TMEM178B: variants seen among roughly 807,000 people sequenced by gnomAD.
TMEM178B encodes transmembrane protein 178B.
Under a neutral mutation model 31.0 loss-of-function variants are expected in TMEM178B, and 5 were observed. The observed-to-expected ratio is 0.16, with a 90% CI of 0.08 to 0.34. TMEM178B has a LOEUF of 0.34. Among genes scored for constraint, TMEM178B ranks in the 10% least tolerant of loss-of-function variants. TMEM178B has a pLI of 1.00. For synonymous variants in TMEM178B, 164 were observed against 164.0 expected (o/e 1.00, Z 0.00); for missense variants, 275 against 400.3 (o/e 0.69, Z 2.67).
At chr7:141,490,953 C>T in the TMEM178B span, among the ~76,000 whole-genome samples, 9 of 152,220 alleles carry the variant, frequency 5.9e-5, no homozygotes, top group Admixed American at 5.9e-4. Context: ...GAGGTTCACA[C>T]AGCTGGTATG....
At chr7:141,377,927 A>G (rs987772467) in intron 2 of TMEM178B, among the ~76,000 whole-genome samples, 2 of 152,190 alleles carry the variant, frequency 1.3e-5, no homozygotes, top group Non-Finnish European at 2.9e-5. Context: ...TTGTCAAACT[A>G]AGAAATTACC....
intron 2 of TMEM178B, among the ~76,000 whole-genome samples, chr7:141,389,665 C>T (rs539955617): frequency 3.3e-5 from 5 of 152,340 alleles, no homozygotes; most frequent in African/African-American, 9.6e-5. Context: ...AATAGAATGA[C>T]AGCCCCCTTT....
At chr7:141,189,868 G>A (rs2129184847) in intron 1 of TMEM178B, among the ~76,000 whole-genome samples, 1 of 152,304 alleles carries the variant, frequency 6.6e-6, no homozygotes, top group East Asian at 1.9e-4. Flanking sequence ...TGGGCCCTGT[G>A]TAGCTGTGCG....
chr7:141,120,272 C>G (rs1275182016), intron 1 of TMEM178B, among the ~76,000 whole-genome samples: 1 of 152,182 alleles, frequency 6.6e-6, no homozygotes, highest in Non-Finnish European at 1.5e-5. Flanking sequence ...TGCAATTTAT[C>G]AGGTTGTTGT....
chr7:141,453,256 T>C (rs1801901628), intron 3 of TMEM178B, among the ~76,000 whole-genome samples: 1 of 152,266 alleles, frequency 6.6e-6, no homozygotes, highest in Non-Finnish European at 1.5e-5. Context: ...CCCTGCCTTG[T>C]GGGTGACTCC....
At chr7:141,125,086 TA>T (rs1319061689) in intron 1 of TMEM178B, among the ~76,000 whole-genome samples, 2 of 151,854 alleles carry the variant, frequency 1.3e-5, no homozygotes, top group Non-Finnish European at 2.9e-5. Flanking sequence ...GTCCAAGGAA[TA>T]AAAAAAATGC....
In TMEM178B at chr7:141,479,213, C is replaced by T. The variant is rs1348770384; in HGVS notation, c.*8427C>T. ...AGGGGCAGGCAGGCCTTCTCTCTGT[C>T]AAGAACAAAGATCTCTACAACATTT... On this transcript the variant is annotated 3_prime_UTR_variant, in exon 4 of 4. Transcript: ENST00000565468. 3 of 152,254 alleles carry T rather than the reference C, an allele frequency of 2.0e-5. No individual in the cohort carries two copies. The highest frequency in any genetic ancestry group is 4.4e-5 in the Non-Finnish European group (3 of 68,064). 9.4% of individuals were successfully genotyped at this position (152,254 alleles called of 1,614,324 possible).
At chr7:141,281,977 A>G (rs1475746656) in intron 2 of TMEM178B, among the ~76,000 whole-genome samples, 2 of 152,162 alleles carry the variant, frequency 1.3e-5, no homozygotes, top group Non-Finnish European at 2.9e-5. Flanking sequence ...TTGAATGACC[A>G]TTTTGCTGGT....
chr7:141,217,558 C>G (rs1164096105), intron 2 of TMEM178B, among the ~76,000 whole-genome samples: 2 of 152,100 alleles, frequency 1.3e-5, no homozygotes, highest in Non-Finnish European at 2.9e-5. Flanking sequence ...GGGCAGACAC[C>G]CATTGGAAGG....
At chr7:141,140,129 C>A (rs1219428961) in intron 1 of TMEM178B, among the ~76,000 whole-genome samples, 3 of 152,104 alleles carry the variant, frequency 2.0e-5, no homozygotes, top group Non-Finnish European at 2.9e-5. Flanking sequence ...GCTTGCATAC[C>A]CCCTCAGCCT....
At chr7:141,216,783 A>G (rs1009305799) in intron 2 of TMEM178B, among the ~76,000 whole-genome samples, 1 of 152,112 alleles carries the variant, frequency 6.6e-6, no homozygotes, top group African/African-American at 2.4e-5. Flanking sequence ...CTACCCACCC[A>G]CTATCTGGCT....
In TMEM178B at chr7:141,246,029, C is replaced by T. The variant is rs140669981; in HGVS notation, c.496+33325C>T. ...TTTTTTTCCTGAATTCCAACCAAAC[C>T]TGTAAATTTTTAAGATTTCTACAAA... On this transcript the variant is annotated intron_variant, in intron 2 of 3. Transcript: ENST00000565468. Among the ~76,000 whole-genome samples, 178 of 152,072 alleles carry T rather than the reference C, an allele frequency of 1.2e-3. 1 individual carries two copies. Among genetic ancestry groups the T allele is most frequent in the African/African-American group, 4.1e-3 (172 of 41,514 alleles).
chr7:141,220,576 T>C (rs1168793169), intron 2 of TMEM178B, among the ~76,000 whole-genome samples: 1 of 151,986 alleles, frequency 6.6e-6, no homozygotes, highest in Admixed American at 6.5e-5. Flanking sequence ...GTACAGCCTT[T>C]TCTGTTAAAA....
intron 1 of TMEM178B, among the ~76,000 whole-genome samples, chr7:141,080,124 A>C (rs1313302319): frequency 2.0e-5 from 3 of 152,270 alleles, no homozygotes; most frequent in Admixed American, 6.5e-5. Context: ...TTTGAAGCTC[A>C]CTGACCAAAG....
intron 2 of TMEM178B, among the ~76,000 whole-genome samples, chr7:141,409,048 A>G (rs955185385): frequency 6.6e-6 from 1 of 152,248 alleles, no homozygotes; most frequent in Non-Finnish European, 1.5e-5. Flanking sequence ...CTTGACTTGC[A>G]TATCAGAAGA....
At chr7:141,423,345 T>G (rs1042596491) in intron 2 of TMEM178B, among the ~76,000 whole-genome samples, 10 of 152,206 alleles carry the variant, frequency 6.6e-5, no homozygotes, top group African/African-American at 2.4e-4. Flanking sequence ...GTACTTTATT[T>G]AATCCAATAT....
At chr7:141,352,522 G>A (rs182219799) in intron 2 of TMEM178B, among the ~76,000 whole-genome samples, 3 of 152,170 alleles carry the variant, frequency 2.0e-5, no homozygotes, top group Admixed American at 1.3e-4. Flanking sequence ...GGGATTACAA[G>A]CACGCGCCAC....
chr7:141,409,309 T>G (rs970759178), intron 2 of TMEM178B, among the ~76,000 whole-genome samples: 9 of 152,218 alleles, frequency 5.9e-5, no homozygotes, highest in African/African-American at 1.9e-4. Flanking sequence ...TTTGGGACTC[T>G]TGCTAACTGC....
chr7:141,470,913 C>T lies in TMEM178B; in HGVS notation c.*127C>T, dbSNP rs939722990. 11 of 484,798 alleles carry T rather than the reference C, an allele frequency of 2.3e-5. No individual in the cohort carries two copies. The highest frequency in any genetic ancestry group is 3.1e-5 in the Non-Finnish European group (11 of 360,316). The allele number at this position is 484,798 out of a possible 1,614,324, so 30.0% of individuals were successfully genotyped here. A position where few individuals can be genotyped will look rare whatever the true frequency, so the allele number is the denominator to read the frequency against. On this transcript the variant is annotated 3_prime_UTR_variant, in exon 4 of 4. Coordinates refer to ENST00000565468, the MANE Select transcript of TMEM178B (RefSeq NM_001195278.2). ...AGAGTTGAGTTGGCTCAGGCACCTG[C>T]ATCTCGCCGGACTTTGTGTTGCCTC...
Sources: gnomAD v4.1 joint callset for allele counts (sites outside exome capture counted in the v4.1 genomes callset) on GRCh38, gnomAD v4.1.1 for gene constraint, MANE v1.5 for transcripts, NCBI Gene and HGNC (gene_info 2026-07-23, HGNC 2026-07-21) for gene names.